PTGES3: variants seen among roughly 807,000 people sequenced by gnomAD.
The protein encoded by PTGES3 is Hsp90 co-chaperone.
In PTGES3, 5 loss-of-function variants were observed where a neutral mutation model predicts 29.9. The ratio of observed to expected loss-of-function variants is 0.17; its 90% CI spans 0.09 to 0.35. The LOEUF is 0.35. Among genes scored for constraint, PTGES3 ranks in the 10% least tolerant of loss-of-function variants. The pLI is 1.00. For missense variants in PTGES3, 128 were observed against 190.0 expected, an observed-to-expected ratio of 0.67 and a Z score of 1.92; for synonymous variants, 49 against 57.8, an observed-to-expected ratio of 0.85 and a Z score of 0.69.
rs149486229 is a variant in PTGES3, at chr12:56,681,415, G to A, written c.2+6583C>T. Among the ~76,000 whole-genome samples the A allele has an allele frequency of 2.5e-3, 383 of 151,564 alleles. 1 individual carries two copies. The highest frequency in any genetic ancestry group is 8.8e-3 in the African/African-American group (363 of 41,302). On this transcript the variant is annotated intron_variant, in intron 1 of 7. Coordinates refer to ENST00000262033, the MANE Select transcript of PTGES3 (RefSeq NM_006601.7). ...TAGCCGGATGAGGTGGCGGGAGCCT[G>A]TAGTCCCAGCTACTCGGGAGGCTGA...
At chr12:56,675,657 C>T (rs539634861) in intron 1 of PTGES3, among the ~76,000 whole-genome samples, 14 of 152,008 alleles carry the variant, frequency 9.2e-5, no homozygotes, top group Non-Finnish European at 1.6e-4. Flanking sequence ...CGGTGGCTCA[C>T]GCCTGTAATC....
intron 3 of PTGES3, among the ~76,000 whole-genome samples, chr12:56,672,508 A>AATAAAAAAG (rs1183201884): frequency 6.6e-6 from 1 of 152,122 alleles, no homozygotes. Flanking sequence ...AAACAAAACA[A>AATAAAAAAG]ATAAAAAAGA....
At chr12:56,668,820 G>T (rs1592243593) in intron 5 of PTGES3, among the ~76,000 whole-genome samples, 2 of 151,774 alleles carry the variant, frequency 1.3e-5, no homozygotes, top group African/African-American at 2.4e-5. Flanking sequence ...GTATGCATTC[G>T]ACTTATACAC....
At chr12:56,687,862 T>C in intron 1 of PTGES3, 136 bp downstream of exon 1, 2 of 1,537,910 alleles carry the variant, frequency 1.3e-6, no homozygotes, top group Non-Finnish European at 1.7e-6. Flanking sequence ...GGAACAAGGA[T>C]CCTGGACCTC....
rs1411948516 is a variant in PTGES3, at chr12:56,665,932, TTA to T, written c.438+270_438+271del. 5 of 1,086,636 alleles carry T rather than the reference TTA, an allele frequency of 4.6e-6. No homozygotes were observed. In the African/African-American group the frequency reaches 6.7e-5, roughly 15 times the overall value. The allele number at this position is 1,086,636 out of a possible 1,614,324, so 67.3% of individuals were successfully genotyped here. On this transcript the variant is annotated intron_variant, in intron 6 of 7. Coordinates refer to ENST00000262033, the MANE Select transcript of PTGES3 (RefSeq NM_006601.7). The stretch of plus-strand genomic sequence containing the variant: ...CACCTCGCCCGGCCTAAACTGACTG[TTA>T]TAATTGAGTACGGTATTAATATATA...
At chr12:56,671,878 T>C (rs377193412) in intron 3 of PTGES3, 31 bp from the exon 4 acceptor site, 4 of 1,342,728 alleles carry the variant, frequency 3.0e-6, no homozygotes, top group African/African-American at 1.5e-5. Context: ...ATACCATTTA[T>C]CTTTCCAGCA....
intron 5 of PTGES3, among the ~76,000 whole-genome samples, chr12:56,669,139 A>T (rs1951899670): frequency 6.6e-6 from 1 of 150,694 alleles, no homozygotes. Context: ...CCTCCGGAGT[A>T]GCTGGGATTA....
chr12:56,688,022 G>T lies in PTGES3; in HGVS notation c.-23C>A. The T allele has an allele frequency of 6.5e-7, 1 of 1,528,876 alleles. No individual in the cohort carries two copies. 94.7% of individuals were successfully genotyped at this position (1,528,876 alleles called of 1,614,324 possible). A position where few individuals can be genotyped will look rare whatever the true frequency, so the allele number is the denominator to read the frequency against. ...CATTGTGAACGGGGCAGGGGGACGGGCGAACTGGTGGGCGGGCCTCTCTGG... is the reference window on the plus strand; with the variant it reads ...CATTGTGAACGGGGCAGGGGGACGGTCGAACTGGTGGGCGGGCCTCTCTGG... On this transcript the variant is annotated 5_prime_UTR_variant, in exon 1 of 8. Transcript: ENST00000262033.
intron 6 of PTGES3, chr12:56,665,572 G>T (rs887720495): frequency 1.3e-5 from 13 of 984,970 alleles, no homozygotes; most frequent in Non-Finnish European, 1.4e-5. Flanking sequence ...CTGTTTTATC[G>T]GTCTCTGACC....
intron 1 of PTGES3, among the ~76,000 whole-genome samples, chr12:56,677,325 A>C (rs546431102): frequency 6.6e-6 from 1 of 151,994 alleles, no homozygotes; most frequent in Non-Finnish European, 1.5e-5. Context: ...CTTAGAGTGG[A>C]AACTACCACA....
At chr12:56,666,482 A>G (rs575755127) in intron 5 of PTGES3, among the ~76,000 whole-genome samples, 3 of 152,362 alleles carry the variant, frequency 2.0e-5, no homozygotes, top group East Asian at 3.9e-4. Flanking sequence ...TTTTCCCTAA[A>G]GAAAAGCAAA....
At chr12:56,687,338 G>C (rs1396286376) in intron 1 of PTGES3, 2 of 988,484 alleles carry the variant, frequency 2.0e-6, no homozygotes, top group Non-Finnish European at 2.4e-6. Flanking sequence ...ACTCCTCCTC[G>C]CTGCCAGGGA....
In PTGES3 at chr12:56,688,233, G is replaced by A; in HGVS notation, c.-234C>T. 1.5e-6 allele frequency: 1 copy of A among 685,374 alleles called. No individual in the cohort carries two copies. Among genetic ancestry groups the A allele is most frequent in the South Asian group, 2.9e-5 (1 of 35,072 alleles). 42.5% of individuals were successfully genotyped at this position (685,374 alleles called of 1,614,324 possible). A position where few individuals can be genotyped will look rare whatever the true frequency, so the allele number is the denominator to read the frequency against. On this transcript the variant is annotated 5_prime_UTR_variant, in exon 1 of 8. Transcript: ENST00000262033. ...GGAGAAGAGGAAAGTGTAGGAAAAG[G>A]GGCGCGAGGACGGAGAATGAACGTG...
intron 5 of PTGES3, among the ~76,000 whole-genome samples, chr12:56,669,590 C>A (rs1179298453): frequency 6.6e-6 from 1 of 151,446 alleles, no homozygotes; most frequent in African/African-American, 2.4e-5. Flanking sequence ...GCCTATGATT[C>A]TTGTGTTTAA....
chr12:56,675,443 T>TA (rs1258756713), intron 1 of PTGES3, among the ~76,000 whole-genome samples: 7 of 143,892 alleles, frequency 4.9e-5, no homozygotes, highest in East Asian at 4.1e-4. Context: ...TGTATATTTT[T>TA]AAAAAAACAC....
chr12:56,687,270 C>G (rs1952919771), intron 1 of PTGES3: 2 of 1,000,798 alleles, frequency 2.0e-6, no homozygotes, highest in African/African-American at 3.4e-5. Flanking sequence ...ACATGAAACA[C>G]AGAAAATGTC....
At chr12:56,665,152 G>T in intron 6 of PTGES3, 1 of 985,240 alleles carries the variant, frequency 1.0e-6, no homozygotes, top group Non-Finnish European at 1.2e-6. Context: ...CCTAGCTGTT[G>T]AGTGAATATT....
At chr12:56,666,001 G>T (rs749376480) in intron 6 of PTGES3, 2 of 1,309,074 alleles carry the variant, frequency 1.5e-6, no homozygotes, top group African/African-American at 1.5e-5. Context: ...AATCCATTTA[G>T]GAATGGTCTA....
intron 1 of PTGES3, among the ~76,000 whole-genome samples, chr12:56,677,545 T>C (rs1952314247): frequency 6.6e-6 from 1 of 152,146 alleles, no homozygotes; most frequent in East Asian, 1.9e-4. Flanking sequence ...GAAAAATATA[T>C]ATAGTTTCTT....
Sources: allele counts gnomAD v4.1 joint callset (sites outside exome capture counted in the v4.1 genomes callset), GRCh38; gene constraint gnomAD v4.1.1; transcripts MANE v1.5; gene names NCBI Gene and HGNC (gene_info 2026-07-23, HGNC 2026-07-21).